FRMPD4: variants seen among roughly 807,000 people sequenced by gnomAD.
FRMPD4 encodes the protein FERM and PDZ domain containing 4, also known as FERM and PDZ domain-containing protein 4.
Under a neutral mutation model 94.1 loss-of-function variants are expected in FRMPD4, and 22 were observed. That is an observed-to-expected ratio of 0.23 (90% CI 0.17 to 0.33). The LOEUF is 0.33. Among genes scored for constraint, FRMPD4 ranks in the 10% least tolerant of loss-of-function variants. FRMPD4 has a pLI of 1.00. For synonymous variants in FRMPD4, 631 were observed against 548.6 expected (o/e 1.15, Z -2.10); for missense variants, 1,111 against 1,339.9 (o/e 0.83, Z 2.67).
chrX:11,868,361 G>T (rs1404473047), intron 2 of FRMPD4, among the ~76,000 whole-genome samples: 1 of 112,077 alleles, frequency 8.9e-6, no homozygotes, highest in Non-Finnish European at 1.9e-5. Context: ...TGACCCAGGG[G>T]TTGAGGATGG....
At chrX:12,322,689 G>C (rs1190974332) in intron 1 of FRMPD4, among the ~76,000 whole-genome samples, 1 of 111,319 alleles carries the variant, frequency 9.0e-6, no homozygotes, top group Non-Finnish European at 1.9e-5. Context: ...TCAAATTACA[G>C]CTCCAAACCA....
At chrX:12,376,058 C>T (rs1437556172) in intron 1 of FRMPD4, among the ~76,000 whole-genome samples, 3 of 112,155 alleles carry the variant, frequency 2.7e-5, no homozygotes, top group Non-Finnish European at 5.6e-5. Context: ...ATCATTCATT[C>T]CTGTGTTCCT....
In FRMPD4 at chrX:12,718,214, G is replaced by A. The variant is rs758573701; in HGVS notation, c.3388G>A (p.Glu1130Lys). ...GLGAREAEGK[E>K]EGAPDGETSD... ...TGGGGCAAGGGAGGCCGAAGGGAAG[G>A]AAGAAGGAGCTCCTGATGGAGAAAC... The change falls in exon 16 of 17, where the codon GAA (glutamate) becomes AAA (lysine). Residue 1130 changes from glutamate (E) to lysine (K), a missense_variant. Coordinates refer to ENST00000675598, the MANE Select transcript of FRMPD4 (RefSeq NM_001368397.1). 8.3e-7 allele frequency: 1 copy of A among 1,211,576 alleles called. No individual in the cohort carries two copies. The highest frequency in any genetic ancestry group is 1.1e-6 in the Non-Finnish European group (1 of 895,110).
chrX:11,927,866 A>C (rs1330954261), intron 3 of FRMPD4, among the ~76,000 whole-genome samples: 1 of 112,283 alleles, frequency 8.9e-6, no homozygotes, highest in Non-Finnish European at 1.9e-5. Flanking sequence ...TGATGAAGAC[A>C]CCAGAAACAA....
intron 2 of FRMPD4, among the ~76,000 whole-genome samples, chrX:12,538,162 C>T (rs1334534037): frequency 9.0e-6 from 1 of 111,555 alleles, no homozygotes; most frequent in Admixed American, 9.5e-5. Flanking sequence ...TCTTAGCAAA[C>T]GGCACACCAC....
intron 3 of FRMPD4, among the ~76,000 whole-genome samples, chrX:12,033,463 G>A (rs1267911782): frequency 9.0e-6 from 1 of 111,384 alleles, no homozygotes; most frequent in African/African-American, 3.3e-5. Flanking sequence ...CAGAAGTGAA[G>A]CAAAAGTGAA....
chrX:11,857,586 T>C (rs1449020872), intron 1 of FRMPD4, among the ~76,000 whole-genome samples: 5 of 112,632 alleles, frequency 4.4e-5, no homozygotes, highest in Non-Finnish European at 7.5e-5. Flanking sequence ...AATGGAAAAC[T>C]GAAAGCTATA....
chrX:12,193,865 G>T (rs1480772382), intron 1 of FRMPD4, among the ~76,000 whole-genome samples: 1 of 87,571 alleles, frequency 1.1e-5, no homozygotes, highest in Non-Finnish European at 2.2e-5. Flanking sequence ...AAGGAAGGAA[G>T]GAAGAGAGAG....
At position 12,504,567 on chromosome X, in the gene FRMPD4, G is replaced by A. The variant is rs889646429; in HGVS notation, c.158+5771G>A. 3.6e-5 allele frequency among the ~76,000 whole-genome samples: 4 copies of A among 112,450 alleles called. No homozygotes were observed. In the Admixed American group the frequency reaches 3.7e-4, roughly 11 times the overall value. On this transcript the variant is annotated intron_variant, in intron 2 of 16. Transcript: ENST00000675598. ...CAAAAGCTTCCCAGGCTGAACATTAGGAGCTGTTTATTCCCTTCATTGGAG... is the reference window on the plus strand; with the variant it reads ...CAAAAGCTTCCCAGGCTGAACATTAAGAGCTGTTTATTCCCTTCATTGGAG...
At chrX:12,233,092 T>C (rs2057031058) in intron 1 of FRMPD4, among the ~76,000 whole-genome samples, 1 of 112,234 alleles carries the variant, frequency 8.9e-6, no homozygotes, top group African/African-American at 3.2e-5. Context: ...CTCTTGTTCC[T>C]TGCTCACAAA....
chrX:11,951,879 A>G (rs1411873504), intron 3 of FRMPD4, among the ~76,000 whole-genome samples: 2 of 111,175 alleles, frequency 1.8e-5, no homozygotes, highest in Non-Finnish European at 3.8e-5. Flanking sequence ...AACAACAACA[A>G]CAAAAAATTA....
At chrX:12,673,937 C>T (rs769959528) in intron 4 of FRMPD4, among the ~76,000 whole-genome samples, 13 of 112,036 alleles carry the variant, frequency 1.2e-4, no homozygotes, top group Non-Finnish European at 2.4e-4. Flanking sequence ...TTCCAGGGAA[C>T]AGCCTTGCAA....
In FRMPD4 at chrX:12,436,454, G is replaced by A. The variant is rs186552565; in HGVS notation, c.42-62226G>A. Among the ~76,000 whole-genome samples, 112 of 111,411 alleles carry A rather than the reference G, an allele frequency of 1.0e-3. 2 individuals are homozygous for A. Among genetic ancestry groups the A allele is most frequent in the African/African-American group, 3.3e-3 (102 of 30,666 alleles). ...GTTGTTTGGTTGGTTTTCCAAACAA[G>A]TTGGTTTAACTTCTTTTACATTTCA... is the stretch of plus-strand genomic sequence containing the variant. On this transcript the variant is annotated intron_variant, in intron 1 of 16. Transcript: ENST00000675598.
At chrX:11,961,916 A>C (rs916655002) in intron 3 of FRMPD4, among the ~76,000 whole-genome samples, 3 of 112,435 alleles carry the variant, frequency 2.7e-5, no homozygotes, top group African/African-American at 9.7e-5. Flanking sequence ...AAAGAAAAAA[A>C]AAACTTAAAG....
rs71871271 is a variant in FRMPD4, at chrX:12,360,957, G to GAAA, written c.42-137708_42-137706dup. Among the ~76,000 whole-genome samples, 260 of 58,861 alleles carry GAAA rather than the reference G, an allele frequency of 4.4e-3. 2 individuals are homozygous for GAAA. Among genetic ancestry groups the GAAA allele is most frequent in the South Asian group, 6.7e-3 (7 of 1,038 alleles). The allele number at this position is 58,861 out of a possible 115,157, so 51.1% of individuals were successfully genotyped here. On this transcript the variant is annotated intron_variant, in intron 1 of 16. Coordinates refer to ENST00000675598, the MANE Select transcript of FRMPD4 (RefSeq NM_001368397.1). Reference sequence around the variant, plus strand: ...TTGCTAAAATCTCAAGCCATGAAAAGAAAAAAAAAAAAAAAAACGGTAAGT... The same window carrying GAAA: ...TTGCTAAAATCTCAAGCCATGAAAAGAAAAAAAAAAAAAAAAAAAACGGTAAGT...
At chrX:12,348,326 A>G (rs2147970266) in intron 1 of FRMPD4, among the ~76,000 whole-genome samples, 1 of 106,948 alleles carries the variant, frequency 9.4e-6, no homozygotes, top group African/African-American at 3.5e-5. Context: ...GCCATAAGTA[A>G]AGGAAACTCT....
At chrX:12,341,522 A>G (rs548881314) in intron 1 of FRMPD4, 67 of 274,845 alleles carry the variant, frequency 2.4e-4, no homozygotes, top group African/African-American at 1.8e-3. Context: ...CCATTTACTG[A>G]GTGTTTGTTA....
intron 3 of FRMPD4, among the ~76,000 whole-genome samples, chrX:12,091,410 G>A (rs1227255699): frequency 8.9e-6 from 1 of 112,064 alleles, no homozygotes; most frequent in Non-Finnish European, 1.9e-5. Context: ...TAGGAAATAA[G>A]AAAGCAGCCA....
intron 1 of FRMPD4, among the ~76,000 whole-genome samples, chrX:12,356,742 T>C (rs1180455876): frequency 4.5e-5 from 5 of 112,260 alleles, no homozygotes; most frequent in Non-Finnish European, 9.4e-5. Context: ...CTTTAATACA[T>C]AAATGCCATT....
Sources: gnomAD v4.1 joint callset for allele counts (sites outside exome capture counted in the v4.1 genomes callset) on GRCh38, gnomAD v4.1.1 for gene constraint, MANE v1.5 for transcripts, NCBI Gene and HGNC (gene_info 2026-07-23, HGNC 2026-07-21) for gene names.